Variants in DNAH1 observed in about 807,000 individuals in gnomAD.
The protein encoded by DNAH1 is dynein axonemal heavy chain 1, also known as axonemal beta dynein heavy chain 1.
DNAH1 carries 327 observed loss-of-function variants against 484.3 expected under a neutral mutation model. The observed-to-expected ratio is 0.68, with a 90% CI of 0.62 to 0.74. The LOEUF (loss-of-function observed/expected upper bound fraction) is 0.74. DNAH1 is among the 30% of genes least tolerant of loss of function. The probability of loss-of-function intolerance (pLI) is 0.00; values close to 1 mark genes in which losing one functional copy is unlikely to be tolerated. For missense variants in DNAH1, 5,052 were observed against 5,546.8 expected (o/e 0.91, Z 2.83); for synonymous variants, 2,192 against 2,191.9 (o/e 1.00, Z 0.00).
Position 52,386,815 on chromosome 3 carries a change from C to G in DNAH1, c.8965C>G (p.Pro2989Ala). The change falls in exon 56 of 78, where the codon CCG becomes GCG. Residue 2989 changes from proline to alanine, a missense_variant. Around this residue, in one of 4 missense-constraint regions of DNAH1, gnomAD observed 2,929 missense variants for 3,409.4 expected, o/e 0.86. Coordinates refer to ENST00000420323, the MANE Select transcript of DNAH1 (RefSeq NM_015512.5). ...GCCTGGCAAGGGGCTGCTGCAGGAC[C>G]CGGGCCACTTCCTTGAGAGCCTCTT... is the stretch of plus-strand genomic sequence containing the variant. Reference protein sequence around the residue: ...WEPGKGLLQDPGHFLESLFKF... With the variant: ...WEPGKGLLQDAGHFLESLFKF... 4.4e-6 allele frequency: 7 copies of G among 1,588,726 alleles called. No individual in the cohort carries two copies. The highest frequency in any genetic ancestry group is 1.3e-5 in the African/African-American group (1 of 74,326).
At chr3:52,354,290 A>G (rs934368255) in intron 20 of DNAH1, among the ~76,000 whole-genome samples, 2 of 152,160 alleles carry the variant, frequency 1.3e-5, no homozygotes, top group African/African-American at 4.8e-5. Flanking sequence ...ACTCCTCCTA[A>G]CCTTAGCTGC....
intron 22 of DNAH1, 35 bp from the exon 23 acceptor site, chr3:52,357,579 A>G (rs1702664995): frequency 1.8e-5 from 29 of 1,587,762 alleles, no homozygotes; most frequent in Non-Finnish European, 2.5e-5. Context: ...GACCATGCTC[A>G]CTGCCCATTT....
intron 8 of DNAH1, among the ~76,000 whole-genome samples, chr3:52,334,186 C>G (rs949369956): frequency 6.6e-6 from 1 of 152,176 alleles, no homozygotes; most frequent in African/African-American, 2.4e-5. Flanking sequence ...CAAACCTATA[C>G]AGGCTGTGAT....
At chr3:52,340,860 G>A (rs758957413) in intron 8 of DNAH1, among the ~76,000 whole-genome samples, 21 of 152,028 alleles carry the variant, frequency 1.4e-4, no homozygotes, top group Non-Finnish European at 2.9e-4. Flanking sequence ...ACTGGAGATA[G>A]ATTTTTTTTT....
rs758278684 is a variant in DNAH1, at chr3:52,346,675, C to T, written c.1860C>T (p.Ala620=). The T allele has an allele frequency of 6.2e-7, 1 of 1,614,030 alleles. No individual in the cohort carries two copies. The highest frequency in any genetic ancestry group is 8.5e-7 in the Non-Finnish European group (1 of 1,179,900). ...GCTTCCTGGTGCAGGACTCACTTGC[C>T]AGCTTCTCACAGTTCATCAGCGACA... The part of the protein sequence containing the change: ...TLRFLVQDSL[A]SFSQFISDTC... Residue 620 remains alanine (A), a synonymous_variant, in exon 11 of 78, where the codon GCC becomes GCT. Coordinates refer to ENST00000420323, the MANE Select transcript of DNAH1 (RefSeq NM_015512.5).
At chr3:52,345,360 G>C in intron 9 of DNAH1, 135 bp from the exon 10 acceptor site, 2 of 729,398 alleles carry the variant, frequency 2.7e-6, no homozygotes, top group Admixed American at 5.5e-5. Flanking sequence ...GAAAGGCGGG[G>C]CTCTGGGAAC....
chr3:52,370,697 T>C (rs1703299404), intron 40 of DNAH1, 21 bp from the exon 41 acceptor site: 1 of 1,596,990 alleles, frequency 6.3e-7, no homozygotes, highest in Non-Finnish European at 8.5e-7. Flanking sequence ...ACAGCCTGCT[T>C]CTCCTCCTGG....
rs778309528 is a variant in DNAH1, at chr3:52,392,427, C to T, written c.10053-37C>T. 3 of 1,597,386 alleles carry T rather than the reference C, an allele frequency of 1.9e-6. No individual in the cohort carries two copies. The South Asian group carries it at 3.3e-5, about 18-fold the overall frequency. ...TCACGACTAGCCCTCCGGGGCCCACCAGGTATTACAGACTTGGTGTCCCCT... is the reference window on the plus strand; with the variant it reads ...TCACGACTAGCCCTCCGGGGCCCACTAGGTATTACAGACTTGGTGTCCCCT... On this transcript the variant is annotated intron_variant, in intron 63 of 77. Coordinates refer to ENST00000420323, the MANE Select transcript of DNAH1 (RefSeq NM_015512.5).
rs547875422 is a variant in DNAH1, at chr3:52,364,013, C to A, written c.5245-625C>A. Among the ~76,000 whole-genome samples, 8 of 152,206 alleles carry A rather than the reference C, an allele frequency of 5.3e-5. No individual in the cohort carries two copies. The highest frequency in any genetic ancestry group is 1.2e-4 in the Non-Finnish European group (8 of 68,038). ...CATGGTTTTGGAAATGCACTCAACTCTTCCCAAATAGAAATGACCCAAAGT... is the reference window on the plus strand; with the variant it reads ...CATGGTTTTGGAAATGCACTCAACTATTCCCAAATAGAAATGACCCAAAGT... On this transcript the variant is annotated intron_variant, in intron 32 of 77. Coordinates refer to ENST00000420323, the MANE Select transcript of DNAH1 (RefSeq NM_015512.5). The surrounding 1 kb of genome is among the most constrained non-coding windows in gnomAD (Gnocchi z 4.2).
intron 1 of DNAH1, among the ~76,000 whole-genome samples, chr3:52,322,122 A>G (rs1701170216): frequency 6.6e-6 from 1 of 152,036 alleles, no homozygotes; most frequent in South Asian, 2.1e-4. Flanking sequence ...AGTCGCATGC[A>G]TGGGTTGGGG....
In DNAH1 at chr3:52,323,870, C is replaced by T. The variant is rs1337098474; in HGVS notation, c.396C>T (p.Phe132=). ...TGCGGCAGGCTGACCTTGACAAGTT[C>T]ACCCCAAGAGGTCAGTGCTCAGGAG... is the stretch of plus-strand genomic sequence containing the variant. The part of the protein sequence containing the change: ...NLLRQADLDK[F]TPRVGSFEVP... The change falls in exon 3 of 78, where the codon TTC becomes TTT. Residue 132 remains phenylalanine, a synonymous_variant. Transcript: ENST00000420323. The T allele has an allele frequency of 1.9e-6, 3 of 1,576,142 alleles. No homozygotes were observed. In the Admixed American group the frequency reaches 5.5e-5, roughly 29 times the overall value.
chr3:52,358,861 G>A lies in DNAH1; in HGVS notation c.4266+124G>A, dbSNP rs11707864. The A allele has an allele frequency of 0.16, 187,037 of 1,155,392 alleles. 16,784 individuals are homozygous for A. Among genetic ancestry groups the A allele is most frequent in the African/African-American group, 0.26 (16,505 of 63,506 alleles). The allele number at this position is 1,155,392 out of a possible 1,614,324, so 71.6% of individuals were successfully genotyped here. ...CCCTGAGGTCCCTGGGGGCTCAGGC[G>A]GGATTCTGGAGTCTTTCCTTTCCAC... On this transcript the variant is annotated intron_variant, in intron 25 of 77. Transcript: ENST00000420323. The surrounding 1 kb of genome is among the most constrained non-coding windows in gnomAD (Gnocchi z 4.2).
upstream of DNAH1, among the ~76,000 whole-genome samples, chr3:52,311,348 G>A (rs1436755638): frequency 1.3e-5 from 2 of 152,208 alleles, no homozygotes; most frequent in East Asian, 3.8e-4. Flanking sequence ...TTGCACAAAG[G>A]AGTTAAGTTC....
Position 52,327,940 on chromosome 3 carries a change from T to C in DNAH1, c.797T>C (p.Leu266Ser). 1.2e-6 allele frequency: 2 copies of C among 1,613,976 alleles called. No individual in the cohort carries two copies. The stretch of plus-strand genomic sequence containing the variant: ...CCCAGAGAGTGGATCAACATGGGCT[T>C]GGAGCCAGGGTCTCTGGACAGGAAA... ...RTPREWINMG[L>S]EPGSLDRKPV... The change falls in exon 6 of 78, where the codon TTG becomes TCG. Residue 266 changes from leucine (L) to serine (S), a missense_variant. Coordinates refer to ENST00000420323, the MANE Select transcript of DNAH1 (RefSeq NM_015512.5).
In DNAH1 at chr3:52,395,390, C is replaced by A. The variant is rs897307775; in HGVS notation, c.11051C>A (p.Ala3684Asp). The A allele has an allele frequency of 6.2e-7, 1 of 1,613,750 alleles. No homozygotes were observed. Among genetic ancestry groups the A allele is most frequent in the Admixed American group, 1.7e-5 (1 of 59,990 alleles). The change falls in exon 69 of 78, where the codon GCT (alanine) becomes GAT (aspartate). Residue 3684 changes from alanine (A) to aspartate (D), a missense_variant. Physicochemically the swap from Ala to Asp is moderately radical, Grantham distance 126. Around this residue, in one of 4 missense-constraint regions of DNAH1, gnomAD observed 853 missense variants for 899.0 expected, o/e 0.95. Transcript: ENST00000420323. The surrounding 1 kb of genome is among the most constrained non-coding windows in gnomAD (Gnocchi z 4.4). ...IFVLSPGTDP[A>D]ADLYKFAEEM... ...GTGCTGTCACCCGGCACAGACCCTGCTGCCGACCTCTACAAGTTTGCCGAA... is the reference window on the plus strand; with the variant it reads ...GTGCTGTCACCCGGCACAGACCCTGATGCCGACCTCTACAAGTTTGCCGAA...
At chr3:52,342,486 G>C (rs181331487) in intron 8 of DNAH1, among the ~76,000 whole-genome samples, 3 of 152,210 alleles carry the variant, frequency 2.0e-5, no homozygotes, top group Non-Finnish European at 4.4e-5. Context: ...TGAGCAGCAC[G>C]GGAGAAAGAG....
In DNAH1 at chr3:52,391,197, G is replaced by A. The variant is rs1365014714; in HGVS notation, c.9760G>A (p.Asp3254Asn). The change falls in exon 62 of 78, where the codon GAT (aspartate) becomes AAT (asparagine). Residue 3254 changes from aspartate to asparagine, a missense_variant. By Grantham distance (23) the Asp-to-Asn change is conservative (BLOSUM62 1). Coordinates refer to ENST00000420323, the MANE Select transcript of DNAH1 (RefSeq NM_015512.5). ...IKNMEKDNGLDVFKLSDRDFL... is the reference protein window; with the variant it reads ...IKNMEKDNGLNVFKLSDRDFL... ...CTTACAGGAGAAGGACAATGGGCTGGATGTGTTCAAGTTGAGTGACCGCGA... is the reference window on the plus strand; with the variant it reads ...CTTACAGGAGAAGGACAATGGGCTGAATGTGTTCAAGTTGAGTGACCGCGA... The A allele has an allele frequency of 1.2e-6, 2 of 1,613,970 alleles. No individual in the cohort carries two copies. Among genetic ancestry groups the A allele is most frequent in the South Asian group, 2.2e-5 (2 of 91,072 alleles).
rs1475363893 is a variant in DNAH1 at position 52,366,974 on chromosome 3, C to T, written c.5765+87C>T. 3 of 1,479,076 alleles carry T rather than the reference C, an allele frequency of 2.0e-6. No individual in the cohort carries two copies. The East Asian group carries it at 6.9e-5, about 34-fold the overall frequency. 91.6% of individuals were successfully genotyped at this position (1,479,076 alleles called of 1,614,324 possible). On this transcript the variant is annotated intron_variant, in intron 36 of 77. Transcript: ENST00000420323. ...TGCGGTCACCCCTCCCTCCATTAGC[C>T]CAGTGGAAGGCCGGGCTCTGCAGCC...
At position 52,373,010 on chromosome 3, in the gene DNAH1, C is replaced by A; in HGVS notation, c.6942C>A (p.Arg2314=). The A allele has an allele frequency of 6.2e-7, 1 of 1,613,570 alleles. No individual in the cohort carries two copies. The highest frequency in any genetic ancestry group is 8.5e-7 in the Non-Finnish European group (1 of 1,179,846). The change falls in exon 44 of 78, where the codon CGC becomes CGA. Residue 2314 remains arginine, a synonymous_variant. Transcript: ENST00000420323. ...CACAGCCACCCATCGAGCTGTTGCG[C>A]CAGTGGATGGACCACGGCGGCTGGT... ...YGAQPPIELL[R]QWMDHGGWYD...
Sources: gnomAD v4.1 joint callset for allele counts (sites outside exome capture counted in the v4.1 genomes callset) on GRCh38, gnomAD v4.1.1 for gene constraint, gnomAD v4.1.1 regional missense constraint, Gnocchi (gnomAD v3.1) non-coding constraint, MANE v1.5 for transcripts, NCBI Gene and HGNC (gene_info 2026-07-23, HGNC 2026-07-21) for gene names.